TUSC3: variants seen among roughly 807,000 people sequenced by gnomAD.
TUSC3 encodes dolichyl-diphosphooligosaccharide--protein glycosyltransferase subunit TUSC3.
In TUSC3, 45 loss-of-function variants were observed where a neutral mutation model predicts 44.8. The ratio of observed to expected loss-of-function variants is 1.00; its 90% confidence interval spans 0.79 to 1.29. The LOEUF is 1.29. TUSC3 is among the 50% of genes most tolerant of loss of function. The pLI, the probability that TUSC3 is intolerant of heterozygous loss-of-function variation, is 0.00. For missense variants in TUSC3, 519 were observed against 437.9 expected (o/e 1.19, Z -1.65); for synonymous variants, 212 against 152.9 (o/e 1.39, Z -2.85).
chr8:15,649,209 TG>T (rs386722793), intron 2 of TUSC3, among the ~76,000 whole-genome samples: 13 of 152,300 alleles, frequency 8.5e-5, no homozygotes, highest in African/African-American at 3.1e-4. Flanking sequence ...CTCAAATACA[TG>T]TTTTTTTTCG....
intron 2 of TUSC3, among the ~76,000 whole-genome samples, chr8:15,517,922 A>T (rs1311242986): frequency 6.6e-6 from 1 of 151,840 alleles, no homozygotes; most frequent in Non-Finnish European, 1.5e-5. Flanking sequence ...ATGTTTGTAA[A>T]GCTTTGGTAC....
chr8:15,682,118 A>T (rs1273779874), intron 6 of TUSC3, among the ~76,000 whole-genome samples: 1 of 152,136 alleles, frequency 6.6e-6, no homozygotes, highest in African/African-American at 2.4e-5. Flanking sequence ...TCATGTTCAG[A>T]TGAGAAGAAT....
chr8:15,649,307 G>A (rs1310555820), intron 2 of TUSC3, among the ~76,000 whole-genome samples: 4 of 152,090 alleles, frequency 2.6e-5, no homozygotes, highest in South Asian at 2.1e-4. Flanking sequence ...AAGTTTAGCC[G>A]GGCGCGGTGG....
intron 6 of TUSC3, among the ~76,000 whole-genome samples, chr8:15,702,324 T>C (rs919321503): frequency 6.6e-6 from 1 of 152,208 alleles, no homozygotes; most frequent in African/African-American, 2.4e-5. Context: ...TTAAACAATT[T>C]AGATAGGGAA....
intron 6 of TUSC3, among the ~76,000 whole-genome samples, chr8:15,693,304 T>C (rs902456434): frequency 3.3e-5 from 5 of 152,262 alleles, no homozygotes; most frequent in South Asian, 2.1e-4. Context: ...AGTCTTTTCT[T>C]TCCACATTTA....
Position 15,456,504 on chromosome 8 carries a change from G to A in TUSC3, n.92-26882G>A, listed in dbSNP as rs77527931. Among the ~76,000 whole-genome samples the A allele has an allele frequency of 7.0e-4, 106 of 152,212 alleles. 1 individual carries two copies. In the East Asian group the frequency reaches 0.02, roughly 28 times the overall value. On this transcript the variant is annotated intron_variant and non_coding_transcript_variant, in intron 1 of 5. Coordinates refer to the TUSC3 transcript ENST00000503191. ...AGAGAGGAGGGCTTCCACGATCAGT[G>A]ACTAGGAGCTGTTACGAAGTTAAAC...
intron 2 of TUSC3, among the ~76,000 whole-genome samples, chr8:15,499,710 T>C (rs1800932673): frequency 6.6e-6 from 1 of 152,178 alleles, no homozygotes; most frequent in Non-Finnish European, 1.5e-5. Flanking sequence ...TGGATGAAAT[T>C]AGCATTTGAA....
chr8:15,565,369 T>A (rs2129141430), intron 1 of TUSC3, among the ~76,000 whole-genome samples: 1 of 152,250 alleles, frequency 6.6e-6, no homozygotes, highest in African/African-American at 2.4e-5. Context: ...TCAGGATCAT[T>A]TGTTTAGTCA....
At chr8:15,615,503 T>C (rs1221080787) in intron 1 of TUSC3, among the ~76,000 whole-genome samples, 2 of 152,300 alleles carry the variant, frequency 1.3e-5, no homozygotes, top group East Asian at 1.9e-4. Flanking sequence ...GAAGAGGTTA[T>C]TTAGCCACAA....
At chr8:15,608,838 T>G (rs1174870195) in intron 1 of TUSC3, among the ~76,000 whole-genome samples, 1 of 152,314 alleles carries the variant, frequency 6.6e-6, no homozygotes, top group Middle Eastern at 3.4e-3. Context: ...TTACCCAGTC[T>G]TGGATATTTC....
intron 1 of TUSC3, among the ~76,000 whole-genome samples, chr8:15,459,778 G>C (rs548277876): frequency 2.0e-5 from 3 of 151,922 alleles, no homozygotes; most frequent in East Asian, 3.9e-4. Context: ...ATCTCATCCC[G>C]GTCAATGCGA....
intron 5 of TUSC3, among the ~76,000 whole-genome samples, chr8:15,672,276 A>G (rs760812970): frequency 3.9e-5 from 6 of 152,048 alleles, no homozygotes; most frequent in Non-Finnish European, 5.9e-5. Flanking sequence ...AATGCTCTAC[A>G]TGGATTAACC....
intron 2 of TUSC3, among the ~76,000 whole-genome samples, chr8:15,626,514 G>A (rs1805516378): frequency 6.6e-6 from 1 of 152,182 alleles, no homozygotes; most frequent in Non-Finnish European, 1.5e-5. Flanking sequence ...TGCTCTTTGG[G>A]GCAGGAAGCA....
intron 1 of TUSC3, among the ~76,000 whole-genome samples, chr8:15,582,263 C>T (rs1023303357): frequency 3.7e-4 from 57 of 152,288 alleles, no homozygotes; most frequent in Non-Finnish European, 6.8e-4. Context: ...AGAAATCACC[C>T]GTCTTCTGGG....
the TUSC3 span, among the ~76,000 whole-genome samples, chr8:15,789,874 G>A: frequency 4.6e-5 from 7 of 152,218 alleles, no homozygotes; most frequent in East Asian, 1.9e-4. Flanking sequence ...GGGCAGACAC[G>A]CCCCTAAATT....
intron 1 of TUSC3, among the ~76,000 whole-genome samples, chr8:15,421,965 G>A (rs988693815): frequency 6.6e-6 from 1 of 152,132 alleles, no homozygotes; most frequent in African/African-American, 2.4e-5. Flanking sequence ...CTAGGAGCCA[G>A]TGTCTTCTCT....
the TUSC3 span, among the ~76,000 whole-genome samples, chr8:15,819,860 T>C: frequency 1.3e-5 from 2 of 152,200 alleles, no homozygotes; most frequent in East Asian, 3.8e-4. Flanking sequence ...AAGACAGAAG[T>C]GGGATCTTCC....
intron 6 of TUSC3, among the ~76,000 whole-genome samples, chr8:15,722,687 T>C (rs1391422810): frequency 6.6e-6 from 1 of 152,102 alleles, no homozygotes; most frequent in Non-Finnish European, 1.5e-5. Flanking sequence ...CACAGCTCTC[T>C]ATATGACTTC....
At chr8:15,746,463 C>G (rs1024739300) in intron 8 of TUSC3, among the ~76,000 whole-genome samples, 4 of 152,150 alleles carry the variant, frequency 2.6e-5, no homozygotes, top group African/African-American at 9.7e-5. Flanking sequence ...CAGAATGCAT[C>G]TGCCTCATTA....
Sources: gnomAD v4.1 joint callset for allele counts (sites outside exome capture counted in the v4.1 genomes callset) on GRCh38, gnomAD v4.1.1 for gene constraint, MANE v1.5 for transcripts, NCBI Gene and HGNC (gene_info 2026-07-23, HGNC 2026-07-21) for gene names.